The following CHRNA7 variants were observed in gnomAD, a reference collection of about 807,000 sequenced individuals.
CHRNA7 encodes the protein cholinergic receptor nicotinic alpha 7 subunit, also known as neuronal acetylcholine receptor subunit alpha-7.
A neutral mutation model predicts 48.0 loss-of-function variants in CHRNA7; 17 were observed. The ratio of observed to expected loss-of-function variants is 0.35; its 90% CI spans 0.24 to 0.53. The LOEUF is 0.53. Ranked by LOEUF, CHRNA7 falls within the 20% of genes least tolerant of loss-of-function variation. The pLI, the probability that CHRNA7 is intolerant of heterozygous loss-of-function variation, is 0.92. For missense variants in CHRNA7, 155 were observed against 577.7 expected, an observed-to-expected ratio of 0.27 and a Z score of 7.50; for synonymous variants, 75 against 242.3, an observed-to-expected ratio of 0.31 and a Z score of 6.41.
At chr15:32,070,869 A>T (rs2050046724) in intron 2 of CHRNA7, among the ~76,000 whole-genome samples, 1 of 151,170 alleles carries the variant, frequency 6.6e-6, no homozygotes, top group Non-Finnish European at 1.5e-5. Flanking sequence ...TTGTATTTTT[A>T]GTAGAGATAG....
chr15:32,099,805 T>C (rs1033027417), intron 2 of CHRNA7: 8 of 152,248 alleles, frequency 5.3e-5, no homozygotes, highest in East Asian at 3.8e-4. Flanking sequence ...ATTTGCTCAG[T>C]GCAGAGTACA....
intron 2 of CHRNA7, among the ~76,000 whole-genome samples, chr15:32,047,867 G>A (rs2049583936): frequency 6.6e-6 from 1 of 152,146 alleles, no homozygotes; most frequent in South Asian, 2.1e-4. Flanking sequence ...TTTATTGAGA[G>A]TTTTTAGCAT....
chr15:32,080,865 T>C (rs1443990524), intron 2 of CHRNA7, among the ~76,000 whole-genome samples: 1 of 152,166 alleles, frequency 6.6e-6, no homozygotes, highest in East Asian at 1.9e-4. Flanking sequence ...GTAGCACTAT[T>C]CACAATAGCA....
intron 2 of CHRNA7, among the ~76,000 whole-genome samples, chr15:32,091,823 TTTGTTG>T (rs145190487): frequency 0.016 from 2,411 of 152,276 alleles, 15 homozygotes; most frequent in Non-Finnish European, 0.025. Flanking sequence ...CCTCTTGGAT[TTTGTTG>T]TTGTTGTTGT....
chr15:32,047,137 T>G (rs2049565756), intron 2 of CHRNA7, among the ~76,000 whole-genome samples: 1 of 136,938 alleles, frequency 7.3e-6, no homozygotes, highest in South Asian at 2.3e-4. Context: ...TGGCTTAGGA[T>G]TGACTTGGTG....
chr15:32,073,031 G>C (rs955027108), intron 2 of CHRNA7, among the ~76,000 whole-genome samples: 2 of 152,192 alleles, frequency 1.3e-5, no homozygotes, highest in African/African-American at 4.8e-5. Flanking sequence ...CCATCCGCCA[G>C]ACCCATGAAT....
At chr15:32,124,126 C>G (rs1250308084) in intron 4 of CHRNA7, among the ~76,000 whole-genome samples, 1 of 151,970 alleles carries the variant, frequency 6.6e-6, no homozygotes, top group Admixed American at 6.6e-5. Context: ...AAATCAAAAT[C>G]CAACTATATT....
intron 3 of CHRNA7, 73 bp downstream of exon 3, chr15:32,101,420 G>A (rs2050570170): frequency 1.4e-6 from 2 of 1,474,490 alleles, no homozygotes; most frequent in Non-Finnish European, 1.8e-6. Context: ...TCTGATACCT[G>A]AGATGCTTGC....
At chr15:32,043,546 A>G (rs1343402734) in intron 2 of CHRNA7, among the ~76,000 whole-genome samples, 2 of 151,858 alleles carry the variant, frequency 1.3e-5, no homozygotes. Context: ...ACAGTGGTTG[A>G]TCTGGAGATT....
At chr15:32,036,432 C>G (rs1902090223) in intron 2 of CHRNA7, among the ~76,000 whole-genome samples, 1 of 152,168 alleles carries the variant, frequency 6.6e-6, no homozygotes. Flanking sequence ...AGGTTTCAAT[C>G]ACTTGTGTAA....
chr15:32,140,745 A>G (rs1347896333), intron 4 of CHRNA7, among the ~76,000 whole-genome samples: 2 of 152,146 alleles, frequency 1.3e-5, no homozygotes, highest in African/African-American at 2.4e-5. Context: ...GTCTCTTCAT[A>G]TCCTTTGCCC....
At chr15:32,112,704 C>T (rs2050783709) in intron 4 of CHRNA7, among the ~76,000 whole-genome samples, 1 of 152,212 alleles carries the variant, frequency 6.6e-6, no homozygotes, top group South Asian at 2.1e-4. Context: ...CCCAGGCTTT[C>T]CTGATGCAGG....
intron 2 of CHRNA7, among the ~76,000 whole-genome samples, chr15:32,041,268 C>A (rs1212448037): frequency 6.6e-6 from 1 of 152,206 alleles, no homozygotes; most frequent in East Asian, 1.9e-4. Flanking sequence ...CTTCAACAGT[C>A]CCCAACCTTT....
intron 2 of CHRNA7, among the ~76,000 whole-genome samples, chr15:32,047,134 G>A (rs2049565643): frequency 7.3e-6 from 1 of 137,230 alleles, no homozygotes; most frequent in African/African-American, 3.0e-5. Context: ...TTTTGGCTTA[G>A]GATTGACTTG....
chr15:32,144,793 A>C (rs2051453293), intron 4 of CHRNA7, among the ~76,000 whole-genome samples: 1 of 152,056 alleles, frequency 6.6e-6, no homozygotes, highest in African/African-American at 2.4e-5. Flanking sequence ...TCTCTATACT[A>C]TTCATTCTAG....
chr15:32,087,410 GC>G (rs1464773577), intron 2 of CHRNA7, among the ~76,000 whole-genome samples: 3 of 152,064 alleles, frequency 2.0e-5, no homozygotes, highest in Non-Finnish European at 2.9e-5. Flanking sequence ...CCTAGAATCA[GC>G]CCTTTCTCCA....
intron 4 of CHRNA7, among the ~76,000 whole-genome samples, chr15:32,153,228 G>A (rs892968455): frequency 4.6e-5 from 7 of 151,832 alleles, no homozygotes; most frequent in East Asian, 1.9e-4. Flanking sequence ...AGACCATCCC[G>A]GCTAACATAG....
chr15:32,030,497 C>G, upstream of CHRNA7: 4 of 1,232,366 alleles, frequency 3.2e-6, no homozygotes, highest in African/African-American at 1.6e-5. Flanking sequence ...TAAAGGCGCG[C>G]GAGCCGAGCG....
At chr15:32,115,314 G>C (rs977488545) in intron 4 of CHRNA7, among the ~76,000 whole-genome samples, 6 of 152,184 alleles carry the variant, frequency 3.9e-5, no homozygotes, top group Admixed American at 3.3e-4. Flanking sequence ...GCATTGTGAA[G>C]GGGAAGGCAC....
Sources: gnomAD v4.1 joint callset for allele counts (sites outside exome capture counted in the v4.1 genomes callset) on GRCh38, gnomAD v4.1.1 for gene constraint, MANE v1.5 for transcripts, NCBI Gene and HGNC (gene_info 2026-07-23, HGNC 2026-07-21) for gene names.